The following ALDH18A1 variants were observed in gnomAD, a reference collection of about 807,000 sequenced individuals.
The protein encoded by ALDH18A1 is aldehyde dehydrogenase 18 family member A1.
A neutral mutation model predicts 88.8 loss-of-function variants in ALDH18A1; 44 were observed. That is an observed-to-expected ratio of 0.50 (90% CI 0.39 to 0.64). The LOEUF (loss-of-function observed/expected upper bound fraction) is 0.64, where lower values mean the gene tolerates loss of function less well. ALDH18A1 is among the 30% of genes least tolerant of loss of function. The pLI is 0.00. For synonymous variants in ALDH18A1, 331 were observed against 372.1 expected (o/e 0.89, Z 1.27); for missense variants, 782 against 1,009.5 (o/e 0.77, Z 3.05).
chr10:95,646,601 G>T (rs2097901759), intron 2 of ALDH18A1, among the ~76,000 whole-genome samples: 1 of 151,882 alleles, frequency 6.6e-6, no homozygotes, highest in African/African-American at 2.4e-5. Context: ...CTTTCTTGGG[G>T]GTATTTTTTT....
chr10:95,646,360 G>A (rs752882818), intron 2 of ALDH18A1, among the ~76,000 whole-genome samples: 5 of 152,144 alleles, frequency 3.3e-5, no homozygotes, highest in African/African-American at 4.8e-5. Flanking sequence ...AGGGTGGGTC[G>A]CATGGTTCAG....
In ALDH18A1 at chr10:95,621,320, C is replaced by CTT. The variant is rs766601424; in HGVS notation, c.1247-71_1247-70dup. On this transcript the variant is annotated intron_variant, in intron 11 of 17. Coordinates refer to ENST00000371224, the MANE Select transcript of ALDH18A1 (RefSeq NM_002860.4). ...AGGCTACAGCTACCAACCGATGTGT[C>CTT]TTTTTTTTTTTTTTTTTGAGACAGG... is the stretch of plus-strand genomic sequence containing the variant. 151,243 of 936,114 alleles carry CTT rather than the reference C, an allele frequency of 0.16. 6,104 individuals are homozygous for CTT. The highest frequency in any genetic ancestry group is 0.27 in the Admixed American group (9,995 of 36,518). The allele number at this position is 936,114 out of a possible 1,614,324, so 58.0% of individuals were successfully genotyped here.
intron 3 of ALDH18A1, among the ~76,000 whole-genome samples, chr10:95,641,769 G>A (rs1276632106): frequency 1.3e-5 from 2 of 152,062 alleles, no homozygotes; most frequent in African/African-American, 4.8e-5. Context: ...CTCCCGAGTA[G>A]CCGGGGCCAC....
intron 3 of ALDH18A1, among the ~76,000 whole-genome samples, chr10:95,637,901 C>A (rs1477959213): frequency 6.6e-6 from 1 of 151,974 alleles, no homozygotes; most frequent in Non-Finnish European, 1.5e-5. Flanking sequence ...GTTAAGACTG[C>A]AGTAACCCAT....
In ALDH18A1 at chr10:95,619,774, T is replaced by G. The variant is rs188873655; in HGVS notation, c.1467+1257A>C. On this transcript the variant is annotated intron_variant, in intron 12 of 17. Transcript: ENST00000371224. Reference sequence around the variant, plus strand: ...AACTGGATCCCTTCCTTACACCTTATACAAAAATTAATTCAAGATGGATTA... The same window carrying G: ...AACTGGATCCCTTCCTTACACCTTAGACAAAAATTAATTCAAGATGGATTA... Among the ~76,000 whole-genome samples the G allele has an allele frequency of 9.9e-5, 15 of 152,260 alleles. No homozygotes were observed. In the East Asian group the frequency reaches 1.7e-3, roughly 18 times the overall value.
chr10:95,615,868 C>T (rs184607663), intron 13 of ALDH18A1, among the ~76,000 whole-genome samples: 27 of 152,176 alleles, frequency 1.8e-4, no homozygotes, highest in Middle Eastern at 3.4e-3. Flanking sequence ...CTGTTTTTTC[C>T]CAATGTAGAA....
chr10:95,647,232 T>C (rs972179605), intron 2 of ALDH18A1, among the ~76,000 whole-genome samples: 9 of 152,214 alleles, frequency 5.9e-5, no homozygotes, highest in Admixed American at 5.2e-4. Flanking sequence ...ACACTTACTA[T>C]ATACCAGGAG....
intron 5 of ALDH18A1, 52 bp downstream of exon 5, chr10:95,637,041 A>G (rs1456420769): frequency 2.6e-6 from 4 of 1,561,506 alleles, no homozygotes; most frequent in Non-Finnish European, 3.5e-6. Flanking sequence ...CCTTTGTTCC[A>G]CAACAACCAC....
Position 95,613,831 on chromosome 10 carries a change from A to G in ALDH18A1, c.1834T>C (p.Cys612Arg). The G allele has an allele frequency of 6.2e-7, 1 of 1,614,206 alleles. No homozygotes were observed. The highest frequency in any genetic ancestry group is 2.2e-5 in the East Asian group (1 of 44,890). ...ATTAACAAAGTCTCCAAAGCATTAC[A>G]GGCAGCTGGATATTCACATTTAGAG... ...RDSKCEYPAA[C>R]NALETLLIHR... The change falls in exon 15 of 18, where the codon TGT becomes CGT. Residue 612 changes from cysteine to arginine, a missense_variant. Transcript: ENST00000371224.
chr10:95,625,486 G>C, intron 10 of ALDH18A1, 31 bp from the exon 11 acceptor site: 1 of 1,578,862 alleles, frequency 6.3e-7, no homozygotes, highest in Non-Finnish European at 8.7e-7. Flanking sequence ...TAAAAAAACA[G>C]AGATGTTAAT....
intron 2 of ALDH18A1, among the ~76,000 whole-genome samples, chr10:95,645,078 T>C (rs778993943): frequency 1.3e-5 from 2 of 152,292 alleles, no homozygotes; most frequent in African/African-American, 4.8e-5. Context: ...AATGAGTGCA[T>C]AGGCAGATGG....
At chr10:95,642,492 G>A (rs1267445125) in intron 3 of ALDH18A1, among the ~76,000 whole-genome samples, 3 of 152,198 alleles carry the variant, frequency 2.0e-5, no homozygotes, top group East Asian at 1.9e-4. Flanking sequence ...GTTTGTGCCT[G>A]TAGCTGCAGC....
At position 95,606,497 on chromosome 10, in the gene ALDH18A1, T is replaced by C; in HGVS notation, c.*265A>G. ...CTTTTTTATGGGGAAAATGCACCTT[T>C]CAATCCTAGAAGATAATTGGACTTG... On this transcript the variant is annotated 3_prime_UTR_variant, in exon 18 of 18. Transcript: ENST00000371224. 1 of 1,318,404 alleles carries C rather than the reference T, an allele frequency of 7.6e-7. No homozygotes were observed. The highest frequency in any genetic ancestry group is 9.7e-7 in the Non-Finnish European group (1 of 1,028,562). The allele number at this position is 1,318,404 out of a possible 1,614,324, so 81.7% of individuals were successfully genotyped here.
At chr10:95,615,542 C>T (rs1348598071) in intron 13 of ALDH18A1, among the ~76,000 whole-genome samples, 1 of 152,066 alleles carries the variant, frequency 6.6e-6, no homozygotes, top group Non-Finnish European at 1.5e-5. Flanking sequence ...GTATACTTTA[C>T]TGTACGTATG....
intron 7 of ALDH18A1, among the ~76,000 whole-genome samples, chr10:95,632,229 G>T (rs535936975): frequency 1.3e-5 from 2 of 152,172 alleles, no homozygotes; most frequent in Non-Finnish European, 2.9e-5. Context: ...GGGAGTTTGG[G>T]TAGAAGTGGG....
In ALDH18A1 at chr10:95,621,216, G is replaced by A. The variant is rs765113723; in HGVS notation, c.1282C>T (p.Leu428Phe). The A allele has an allele frequency of 6.2e-7, 1 of 1,613,910 alleles. No individual in the cohort carries two copies. Among genetic ancestry groups the A allele is most frequent in the South Asian group, 1.1e-5 (1 of 91,068 alleles). The change falls in exon 12 of 18, where the codon CTC becomes TTC. Residue 428 changes from leucine (L) to phenylalanine (F), a missense_variant. Leu to Phe is a conservative substitution (Grantham distance 22). Coordinates refer to ENST00000371224, the MANE Select transcript of ALDH18A1 (RefSeq NM_002860.4). ...LAAPLLKRLS[L>F]STSKLNSLAI... ...AGGCTGTTCAATTTGGATGTGGAGA[G>A]GCTTAAACGTTTCAGCAGAGGAGCT...
chr10:95,649,177 T>G lies in ALDH18A1; in HGVS notation c.88+4113A>C, dbSNP rs960183606. 8.7e-4 allele frequency among the ~76,000 whole-genome samples: 133 copies of G among 152,086 alleles called. 1 individual carries two copies. The highest frequency in any genetic ancestry group is 3.0e-3 in the African/African-American group (124 of 41,400). ...ACAACTAGTATTAAAAGTTGAAAGA[T>G]GAACATTGACCTAAACCTCACACCT... On this transcript the variant is annotated intron_variant, in intron 2 of 17. Transcript: ENST00000371224.
At position 95,653,302 on chromosome 10, in the gene ALDH18A1, C is replaced by T. The variant is rs200242907; in HGVS notation, c.76G>A (p.Val26Ile). ...HLLPWVKCTT[V>I]FRSHCIQPSV... ...CTATGGTACATACGAGATCTGAAGA[C>T]GGTTGTACACTTGACCCAGGGCAGA... Residue 26 changes from valine (V) to isoleucine (I), a missense_variant, in exon 2 of 18, where the codon GTC becomes ATC. Transcript: ENST00000371224. 198 of 1,612,176 alleles carry T rather than the reference C, an allele frequency of 1.2e-4. 4 individuals are homozygous for T. The South Asian group carries it at 2.0e-3, about 16-fold the overall frequency.
chr10:95,627,237 T>TTTTTTTTTTTTTTTTG (rs2097861689), intron 9 of ALDH18A1, among the ~76,000 whole-genome samples: 1 of 151,762 alleles, frequency 6.6e-6, no homozygotes, highest in African/African-American at 2.4e-5. Flanking sequence ...TTATATATTT[T>TTTTTTTTTTTTTTTTG]AACCGAGTGA....
Sources: allele counts gnomAD v4.1 joint callset (sites outside exome capture counted in the v4.1 genomes callset), GRCh38; gene constraint gnomAD v4.1.1; transcripts MANE v1.5; gene names NCBI Gene and HGNC (gene_info 2026-07-23, HGNC 2026-07-21).